Variants in PACC1 observed in about 807,000 individuals in gnomAD.
PACC1 encodes the protein proton activated chloride channel 1.
PACC1 carries 34 observed loss-of-function variants against 39.7 expected under a neutral mutation model. That is an observed-to-expected ratio of 0.86 (90% CI 0.65 to 1.14). The LOEUF is 1.14. Among genes scored for constraint, PACC1 ranks in the 50% most tolerant of loss-of-function variants. The pLI is 0.00. For missense variants in PACC1, 379 were observed against 436.4 expected, an observed-to-expected ratio of 0.87 and a Z score of 1.17; for synonymous variants, 127 against 160.6, an observed-to-expected ratio of 0.79 and a Z score of 1.58.
In PACC1 at chr1:212,414,736, T is replaced by C. The variant is rs373842963; in HGVS notation, c.22A>G (p.Thr8Ala). MIRQERS[T>A]SYQELSEELV... The stretch of plus-strand genomic sequence containing the variant: ...CAACCTCGTACCTCCTGGTAGGATG[T>C]GGAGCGCTCCTGCCGGATCATGGCA... Residue 8 changes from threonine to alanine, a missense_variant, in exon 1 of 8, where the codon ACA becomes GCA. Physicochemically the swap from Thr to Ala is moderately conservative, Grantham distance 58 (BLOSUM62 0). Coordinates refer to ENST00000261455, the MANE Select transcript of PACC1 (RefSeq NM_018252.3). The C allele has an allele frequency of 8.1e-6, 13 of 1,613,432 alleles. No individual in the cohort carries two copies. Among genetic ancestry groups the C allele is most frequent in the African/African-American group, 4.0e-5 (3 of 74,876 alleles).
chr1:212,407,575 T>C (rs1374279622), intron 2 of PACC1, among the ~76,000 whole-genome samples: 1 of 152,248 alleles, frequency 6.6e-6, no homozygotes, highest in Non-Finnish European at 1.5e-5. Context: ...GAGGGAGGAT[T>C]AGCCGTGCTA....
intron 6 of PACC1, among the ~76,000 whole-genome samples, chr1:212,376,015 C>T (rs1774247): frequency 0.37 from 56,510 of 152,074 alleles, 10,721 homozygotes; most frequent in African/African-American, 0.43. Context: ...ATTTTCAACG[C>T]TTGTTTCAAC....
chr1:212,367,522 C>A (rs1029346475), intron 7 of PACC1, among the ~76,000 whole-genome samples: 15 of 152,340 alleles, frequency 9.8e-5, no homozygotes, highest in African/African-American at 2.6e-4. Flanking sequence ...GAAACCAAGT[C>A]TGGGCCCACT....
At chr1:212,396,526 G>A (rs976144759) in intron 2 of PACC1, among the ~76,000 whole-genome samples, 1 of 151,734 alleles carries the variant, frequency 6.6e-6, no homozygotes, top group Non-Finnish European at 1.5e-5. Flanking sequence ...CATGGCACAT[G>A]TATACATATG....
chr1:212,395,853 C>T (rs1180798174), intron 2 of PACC1, among the ~76,000 whole-genome samples: 3 of 152,128 alleles, frequency 2.0e-5, no homozygotes, highest in Non-Finnish European at 4.4e-5. Context: ...TCATCACTGG[C>T]CATCAGAGAA....
At chr1:212,414,553 C>G (rs1662260643) in intron 1 of PACC1, among the ~76,000 whole-genome samples, 169 bp downstream of exon 1, 1 of 152,214 alleles carries the variant, frequency 6.6e-6, no homozygotes, top group African/African-American at 2.4e-5. Flanking sequence ...CCTTCCTGCC[C>G]CTGGGCCGCT....
At position 212,364,868 on chromosome 1, in the gene PACC1, C is replaced by G. The variant is rs1660174707; in HGVS notation, c.*347G>C. On this transcript the variant is annotated 3_prime_UTR_variant, in exon 8 of 8. Transcript: ENST00000261455. Reference sequence around the variant, plus strand: ...CACTTTTAAAAAGTGAAAAGTAGAGCCTTCATTACCCTAGTAGAGCTTAAC... The same window carrying G: ...CACTTTTAAAAAGTGAAAAGTAGAGGCTTCATTACCCTAGTAGAGCTTAAC... The G allele has an allele frequency of 1.9e-5, 3 of 156,676 alleles. No individual in the cohort carries two copies. The Admixed American group carries it at 1.9e-4, about 10-fold the overall frequency. 9.7% of individuals were successfully genotyped at this position (156,676 alleles called of 1,614,324 possible). A position where few individuals can be genotyped will look rare whatever the true frequency, so the allele number is the denominator to read the frequency against.
At chr1:212,367,610 T>G (rs1354395035) in intron 7 of PACC1, among the ~76,000 whole-genome samples, 1 of 152,118 alleles carries the variant, frequency 6.6e-6, no homozygotes, top group African/African-American at 2.4e-5. Flanking sequence ...GCTCTGATAC[T>G]GCACTGGTCT....
intron 7 of PACC1, among the ~76,000 whole-genome samples, chr1:212,373,339 A>G (rs1021254310): frequency 1.5e-5 from 2 of 136,966 alleles, no homozygotes; most frequent in Non-Finnish European, 3.1e-5. Context: ...ATCTCTTACT[A>G]TATAGAAAAA....
chr1:212,410,296 T>C (rs1662074982), intron 2 of PACC1, 129 bp downstream of exon 2: 1 of 805,838 alleles, frequency 1.2e-6, no homozygotes, highest in African/African-American at 1.7e-5. Flanking sequence ...GCTTTAAAAC[T>C]AGGGCAATAC....
chr1:212,396,668 C>G (rs921308639), intron 2 of PACC1, among the ~76,000 whole-genome samples: 9 of 136,976 alleles, frequency 6.6e-5, no homozygotes, highest in Admixed American at 3.0e-4. Flanking sequence ...CTTACAGATC[C>G]AAGAAGCTCA....
At chr1:212,404,342 G>A (rs184215295) in intron 2 of PACC1, among the ~76,000 whole-genome samples, 2 of 151,306 alleles carry the variant, frequency 1.3e-5, no homozygotes, top group Admixed American at 6.6e-5. Flanking sequence ...TCCTGACCTC[G>A]TGATCCACCC....
intron 2 of PACC1, among the ~76,000 whole-genome samples, chr1:212,402,824 T>C (rs1196919138): frequency 6.6e-6 from 1 of 152,166 alleles, no homozygotes; most frequent in African/African-American, 2.4e-5. Context: ...CTGGCTAACT[T>C]TGCATTTTTA....
intron 2 of PACC1, among the ~76,000 whole-genome samples, chr1:212,404,576 A>C (rs1487006305): frequency 6.6e-6 from 1 of 151,506 alleles, no homozygotes; most frequent in Non-Finnish European, 1.5e-5. Context: ...GACATGTCCT[A>C]TTTTATTCCC....
chr1:212,380,549 C>T lies in PACC1; in HGVS notation c.496-512G>A, dbSNP rs1660840633. Among the ~76,000 whole-genome samples the T allele has an allele frequency of 2.6e-5, 4 of 152,006 alleles. No individual in the cohort carries two copies. In the South Asian group the frequency reaches 8.3e-4, roughly 32 times the overall value. ...TTTTTACATTTAGATACTTTATATACCTGGCTTTAAGCTCTGTATATAGTG... is the reference window on the plus strand; with the variant it reads ...TTTTTACATTTAGATACTTTATATATCTGGCTTTAAGCTCTGTATATAGTG... On this transcript the variant is annotated intron_variant, in intron 4 of 7. Transcript: ENST00000261455.
rs540788501 is a variant in PACC1 at position 212,399,941 on chromosome 1, G to T, written c.133+10484C>A. Among the ~76,000 whole-genome samples, 6 of 151,986 alleles carry T rather than the reference G, an allele frequency of 3.9e-5. No individual in the cohort carries two copies. In the East Asian group the frequency reaches 7.8e-4, roughly 20 times the overall value. On this transcript the variant is annotated intron_variant, in intron 2 of 7. Coordinates refer to ENST00000261455, the MANE Select transcript of PACC1 (RefSeq NM_018252.3). ...TTCACCGCAACCTCCGCCTCCTGGG[G>T]TCCAGTGATTCTCCTGCCTCAGCCT... is the stretch of plus-strand genomic sequence containing the variant.
chr1:212,376,430 T>C (rs1660668166), intron 6 of PACC1, among the ~76,000 whole-genome samples: 1 of 152,222 alleles, frequency 6.6e-6, no homozygotes, highest in Admixed American at 6.5e-5. Context: ...ACAGGTTCAC[T>C]AGAGTTTTCA....
In PACC1 at chr1:212,379,951, C is replaced by A. The variant is rs772841687; in HGVS notation, c.582G>T (p.Glu194Asp). The A allele has an allele frequency of 2.5e-6, 4 of 1,614,210 alleles. No individual in the cohort carries two copies. The highest frequency in any genetic ancestry group is 3.4e-6 in the Non-Finnish European group (4 of 1,180,050). Residue 194 changes from glutamate to aspartate, a missense_variant, in exon 5 of 8, where the codon GAG becomes GAT. Glu to Asp is a conservative substitution (Grantham distance 45, BLOSUM62 2). Transcript: ENST00000261455. The stretch of plus-strand genomic sequence containing the variant: ...GGAGGTAATCAATGGCGCTGAAGTC[C>A]TCACTACTCTTGTTCAGGCGGAACT... Reference protein sequence around the residue: ...FLQFRLNKSSEDFSAIDYLLF... With the variant: ...FLQFRLNKSSDDFSAIDYLLF...
chr1:212,410,623 C>T, intron 1 of PACC1, 102 bp from the exon 2 acceptor site: 2 of 1,027,770 alleles, frequency 1.9e-6, no homozygotes, highest in South Asian at 2.5e-5. Context: ...TTAATTGTCA[C>T]CAAAAACCAC....
Sources: gnomAD v4.1 joint callset for allele counts (sites outside exome capture counted in the v4.1 genomes callset) on GRCh38, gnomAD v4.1.1 for gene constraint, MANE v1.5 for transcripts, NCBI Gene and HGNC (gene_info 2026-07-23, HGNC 2026-07-21) for gene names.